KIAA0930: variants seen among roughly 807,000 people sequenced by gnomAD.
KIAA0930 encodes the protein uncharacterized protein KIAA0930.
In KIAA0930, 24 loss-of-function variants were observed where a neutral mutation model predicts 43.9. The ratio of observed to expected loss-of-function variants is 0.55; its 90% CI spans 0.40 to 0.77. The LOEUF is 0.77. Ranked by LOEUF, KIAA0930 falls within the 30% of genes least tolerant of loss-of-function variation. The pLI is 0.00. For missense variants in KIAA0930, 461 were observed against 574.2 expected, an observed-to-expected ratio of 0.80 and a Z score of 2.02; for synonymous variants, 259 against 216.4, an observed-to-expected ratio of 1.20 and a Z score of -1.73.
intron 1 of KIAA0930, 59 bp from the exon 2 acceptor site, chr22:45,212,166 G>A (rs923609517): frequency 8.7e-6 from 14 of 1,613,482 alleles, no homozygotes; most frequent in Non-Finnish European, 1.2e-5. Flanking sequence ...CTTGCAGCAT[G>A]GCCTTGGCCA....
intron 1 of KIAA0930, among the ~76,000 whole-genome samples, chr22:45,238,079 C>T (rs1306201696): frequency 6.6e-6 from 1 of 151,938 alleles, no homozygotes; most frequent in Admixed American, 6.6e-5. Context: ...CGCCACCACG[C>T]CTGGCTAATT....
intron 7 of KIAA0930, 155 bp from the exon 8 acceptor site, chr22:45,200,190 G>T: frequency 2.9e-6 from 2 of 681,848 alleles, no homozygotes; most frequent in Non-Finnish European, 4.6e-6. Context: ...GCCCGTGCTA[G>T]GTGGGGCCTA....
At chr22:45,236,597 C>A (rs898473233) in intron 1 of KIAA0930, among the ~76,000 whole-genome samples, 1 of 152,130 alleles carries the variant, frequency 6.6e-6, no homozygotes, top group Admixed American at 6.5e-5. Context: ...CAACCTGGAA[C>A]ACCATACCCT....
At chr22:45,218,333 ATTTTTTTTTTTTT>A (rs752298111) in intron 1 of KIAA0930, among the ~76,000 whole-genome samples, 8 of 51,706 alleles carry the variant, frequency 1.5e-4, no homozygotes, top group Admixed American at 5.8e-4. Context: ...AATTTTTTTG[ATTTTTTTTTTTTT>A]TTTTTTTTTT....
In KIAA0930 at chr22:45,240,864, C is replaced by T. The variant is rs865900765; in HGVS notation, c.-161G>A. 7.3e-3 allele frequency: 57 copies of T among 7,796 alleles called. No homozygotes were observed. Among genetic ancestry groups the T allele is most frequent in the South Asian group, 0.043 (55 of 1,290 alleles). The allele number at this position is 7,796 out of a possible 1,614,324, so 0.5% of individuals were successfully genotyped here. ...CGTCGCCGCCGCCGCCGCCACCACC[C>T]GCCAAACACAGCACCGGCGAGCGCA... On this transcript the variant is annotated 5_prime_UTR_variant, in exon 1 of 10. Transcript: ENST00000336156.
At chr22:45,232,095 C>CTA (rs2083857642) in intron 1 of KIAA0930, among the ~76,000 whole-genome samples, 1 of 152,180 alleles carries the variant, frequency 6.6e-6, no homozygotes, top group Admixed American at 6.5e-5. Context: ...AGGGAGAAGC[C>CTA]TAGTCCAAGG....
intron 1 of KIAA0930, among the ~76,000 whole-genome samples, chr22:45,239,839 C>G (rs1396972280): frequency 6.6e-6 from 1 of 152,010 alleles, no homozygotes; most frequent in Non-Finnish European, 1.5e-5. Flanking sequence ...GGGTCTTTTC[C>G]ATGGAGAAAA....
At chr22:45,212,550 C>G in intron 1 of KIAA0930, 1 of 1,402,016 alleles carries the variant, frequency 7.1e-7, no homozygotes, top group Non-Finnish European at 9.3e-7. Flanking sequence ...CTGGCTGCGG[C>G]AGTCCCAGCG....
At chr22:45,198,949 C>A (rs1402139512) in intron 8 of KIAA0930, among the ~76,000 whole-genome samples, 1 of 152,208 alleles carries the variant, frequency 6.6e-6, no homozygotes, top group African/African-American at 2.4e-5. Flanking sequence ...CTGTGCCTGG[C>A]CAATCCTTCA....
chr22:45,205,545 A>T, intron 4 of KIAA0930, 85 bp downstream of exon 4: 1 of 1,315,192 alleles, frequency 7.6e-7, no homozygotes, highest in Non-Finnish European at 1.1e-6. Context: ...AGGGCAGAGA[A>T]GCAAGCAGGA....
intron 1 of KIAA0930, among the ~76,000 whole-genome samples, chr22:45,222,510 A>G (rs2083773365): frequency 6.6e-6 from 1 of 151,890 alleles, no homozygotes; most frequent in Non-Finnish European, 1.5e-5. Context: ...AGGTCTCACT[A>G]TGTTGCCCAG....
intron 1 of KIAA0930, among the ~76,000 whole-genome samples, chr22:45,220,792 G>A (rs1044165101): frequency 3.9e-5 from 6 of 151,940 alleles, no homozygotes; most frequent in African/African-American, 1.5e-4. Context: ...TGTTGCCCAG[G>A]CTGGTCTTGA....
At chr22:45,223,898 A>G (rs950503293) in intron 1 of KIAA0930, among the ~76,000 whole-genome samples, 1 of 151,924 alleles carries the variant, frequency 6.6e-6, no homozygotes, top group Non-Finnish European at 1.5e-5. Flanking sequence ...GCACTGAGAC[A>G]GCACCCAGGA....
rs192088443 is a variant in KIAA0930 at position 45,230,471 on chromosome 22, C to T, written c.64+10169G>A. Among the ~76,000 whole-genome samples, 279 of 152,152 alleles carry T rather than the reference C, an allele frequency of 1.8e-3. 2 individuals are homozygous for T. Among genetic ancestry groups the T allele is most frequent in the Non-Finnish European group, 3.2e-3 (217 of 67,994 alleles). ...ATGTGAAAGGCACCCTCTCTATGTCCGGAGGAAAAGAGCATCCTCATCTCT... is the reference window on the plus strand; with the variant it reads ...ATGTGAAAGGCACCCTCTCTATGTCTGGAGGAAAAGAGCATCCTCATCTCT... On this transcript the variant is annotated intron_variant, in intron 1 of 9. Coordinates refer to ENST00000336156, the MANE Select transcript of KIAA0930 (RefSeq NM_001009880.2).
chr22:45,205,358 C>A (rs1426146989), intron 4 of KIAA0930, 40 bp from the exon 5 acceptor site: 4 of 1,559,400 alleles, frequency 2.6e-6, no homozygotes, highest in Non-Finnish European at 3.5e-6. Flanking sequence ...GAGGCCCCAC[C>A]CGGCACACAG....
chr22:45,234,092 G>A (rs962228091), intron 1 of KIAA0930, among the ~76,000 whole-genome samples: 6 of 152,196 alleles, frequency 3.9e-5, no homozygotes, highest in African/African-American at 9.7e-5. Context: ...TCTGAGACCC[G>A]GGGGCCTTGG....
rs532315777 is a variant in KIAA0930, at chr22:45,217,293, G to A, written c.65-5186C>T. Among the ~76,000 whole-genome samples, 27 of 149,904 alleles carry A rather than the reference G, an allele frequency of 1.8e-4. No individual in the cohort carries two copies. The South Asian group carries it at 4.6e-3, about 26-fold the overall frequency. ...GAAGAATCGCTTGAACCCGGGAGGC[G>A]GAAGTTGCAGTGAGCTAAAATCACG... On this transcript the variant is annotated intron_variant, in intron 1 of 9. Transcript: ENST00000336156.
chr22:45,220,683 C>T (rs752708485), intron 1 of KIAA0930, among the ~76,000 whole-genome samples: 8 of 152,114 alleles, frequency 5.3e-5, no homozygotes, highest in Non-Finnish European at 7.4e-5. Flanking sequence ...CAGCCTCAAG[C>T]GATCCTCCCA....
intron 2 of KIAA0930, among the ~76,000 whole-genome samples, chr22:45,208,117 T>C (rs2083655245): frequency 6.6e-6 from 1 of 152,170 alleles, no homozygotes; most frequent in Middle Eastern, 3.4e-3. Flanking sequence ...AAGAGGACAC[T>C]GGGAGCTGCC....
Sources: gnomAD v4.1 joint callset for allele counts (sites outside exome capture counted in the v4.1 genomes callset) on GRCh38, gnomAD v4.1.1 for gene constraint, MANE v1.5 for transcripts, NCBI Gene and HGNC (gene_info 2026-07-23, HGNC 2026-07-21) for gene names.